Variants in SEMA3E observed in about 807,000 individuals in gnomAD.
The protein encoded by SEMA3E is semaphorin-3E.
In SEMA3E, 49 loss-of-function variants were observed where a neutral mutation model predicts 93.6. That is an observed-to-expected ratio of 0.52 (90% CI 0.42 to 0.66). SEMA3E has a LOEUF of 0.66. Among genes scored for constraint, SEMA3E ranks in the 30% least tolerant of loss-of-function variants. SEMA3E has a pLI of 0.00. For missense variants in SEMA3E, 906 were observed against 964.8 expected (o/e 0.94, Z 0.81); for synonymous variants, 363 against 330.7 (o/e 1.10, Z -1.06).
At chr7:83,369,671 A>G (rs1447535303) in intron 16 of SEMA3E, among the ~76,000 whole-genome samples, 1 of 152,176 alleles carries the variant, frequency 6.6e-6, no homozygotes, top group African/African-American at 2.4e-5. Flanking sequence ...GAAGACCCTC[A>G]AAGCAAAATC....
At chr7:83,402,485 T>A in intron 10 of SEMA3E, 147 bp downstream of exon 10, 1 of 669,712 alleles carries the variant, frequency 1.5e-6, no homozygotes, top group Non-Finnish European at 2.5e-6. Context: ...AAGGAATATT[T>A]TTTTACTACA....
intron 11 of SEMA3E, among the ~76,000 whole-genome samples, chr7:83,398,502 T>C (rs2115609090): frequency 6.6e-6 from 1 of 152,334 alleles, no homozygotes; most frequent in East Asian, 1.9e-4. Context: ...GCTAAAGAAA[T>C]CTGATGACAC....
At chr7:83,525,786 T>G (rs1489008104) in intron 1 of SEMA3E, among the ~76,000 whole-genome samples, 45 of 4,692 alleles carry the variant, frequency 9.6e-3, no homozygotes, top group South Asian at 0.05. Flanking sequence ...TTGTTTGGGT[T>G]TTTTTTTTTT....
intron 4 of SEMA3E, among the ~76,000 whole-genome samples, chr7:83,434,052 T>A (rs2722970): frequency 2.6e-5 from 4 of 151,954 alleles, no homozygotes; most frequent in South Asian, 4.2e-4. Context: ...AGGTTGGTGC[T>A]AAATAACTGT....
At chr7:83,507,285 G>A (rs1446508097) in intron 1 of SEMA3E, among the ~76,000 whole-genome samples, 1 of 152,136 alleles carries the variant, frequency 6.6e-6, no homozygotes, top group Non-Finnish European at 1.5e-5. Flanking sequence ...CCATGATTAA[G>A]AAGAGGGAGC....
At chr7:83,403,716 A>G (rs1788273805) in intron 9 of SEMA3E, among the ~76,000 whole-genome samples, 1 of 151,938 alleles carries the variant, frequency 6.6e-6, no homozygotes, top group Non-Finnish European at 1.5e-5. Flanking sequence ...CCTGTAAAAC[A>G]GCAGTTATGT....
intron 1 of SEMA3E, among the ~76,000 whole-genome samples, chr7:83,578,985 T>C (rs941097225): frequency 6.6e-6 from 1 of 152,048 alleles, no homozygotes; most frequent in Non-Finnish European, 1.5e-5. Flanking sequence ...ATATAGAAAT[T>C]AAATTAATAA....
In SEMA3E at chr7:83,367,062, A is replaced by G. The variant is rs1336142983; in HGVS notation, c.*524T>C. The G allele has an allele frequency of 1.2e-5, 2 of 161,072 alleles. No homozygotes were observed. The highest frequency in any genetic ancestry group is 4.8e-5 in the African/African-American group (2 of 41,498). 10.0% of individuals were successfully genotyped at this position (161,072 alleles called of 1,614,324 possible). ...TTTCATGGGTTACAGCACTCACAAC[A>G]CACCTGCTACTTAACACTCATGGCT... On this transcript the variant is annotated 3_prime_UTR_variant, in exon 17 of 17. Transcript: ENST00000643230.
At chr7:83,494,165 G>T (rs369091894) in intron 1 of SEMA3E, among the ~76,000 whole-genome samples, 10 of 151,708 alleles carry the variant, frequency 6.6e-5, no homozygotes, top group Non-Finnish European at 1.0e-4. Flanking sequence ...CAGTTAAGAT[G>T]AGTGGGTTGT....
At chr7:83,491,896 C>G (rs1193081945) in intron 1 of SEMA3E, among the ~76,000 whole-genome samples, 1 of 151,994 alleles carries the variant, frequency 6.6e-6, no homozygotes, top group East Asian at 1.9e-4. Flanking sequence ...AATCATACTG[C>G]TTTCCTTTGC....
intron 1 of SEMA3E, among the ~76,000 whole-genome samples, chr7:83,624,009 A>C (rs1317786549): frequency 6.6e-6 from 1 of 152,128 alleles, no homozygotes; most frequent in Non-Finnish European, 1.5e-5. Flanking sequence ...TTTGCTGAGA[A>C]TGATAGTTTC....
chr7:83,596,618 T>C (rs1792876865), intron 1 of SEMA3E, among the ~76,000 whole-genome samples: 1 of 152,086 alleles, frequency 6.6e-6, no homozygotes, highest in Non-Finnish European at 1.5e-5. Flanking sequence ...TCCACCCTAC[T>C]TCCTCCACCT....
intron 4 of SEMA3E, among the ~76,000 whole-genome samples, chr7:83,446,142 AGCAGAC>A (rs1789223358): frequency 6.6e-6 from 1 of 152,236 alleles, no homozygotes; most frequent in South Asian, 2.1e-4. Context: ...GTTAGTGTGT[AGCAGAC>A]TTTGGATTTG....
chr7:83,648,906 A>G lies in SEMA3E; in HGVS notation c.-364T>C, dbSNP rs1794117903. On this transcript the variant is annotated 5_prime_UTR_variant, in exon 1 of 17. Transcript: ENST00000643230. Reference sequence around the variant, plus strand: ...AGAAAAAAAAAAAAAAAAGAGAGAAAAAAACAAAACCGAGCACACGCACTC... The same window carrying G: ...AGAAAAAAAAAAAAAAAAGAGAGAAGAAAACAAAACCGAGCACACGCACTC... 5.1e-6 allele frequency: 1 copy of G among 196,042 alleles called. No individual in the cohort carries two copies. The highest frequency in any genetic ancestry group is 1.0e-5 in the Non-Finnish European group (1 of 97,394). 12.1% of individuals were successfully genotyped at this position (196,042 alleles called of 1,614,324 possible).
chr7:83,469,807 A>T (rs1318017771), intron 2 of SEMA3E, among the ~76,000 whole-genome samples: 1 of 151,914 alleles, frequency 6.6e-6, no homozygotes, highest in Non-Finnish European at 1.5e-5. Flanking sequence ...ATTATCTTTT[A>T]TTTTTTTGAG....
chr7:83,467,492 T>G (rs1789793309), intron 3 of SEMA3E, among the ~76,000 whole-genome samples: 1 of 152,234 alleles, frequency 6.6e-6, no homozygotes, highest in African/African-American at 2.4e-5. Context: ...ATGATAAGAT[T>G]ACTATATTGC....
intron 1 of SEMA3E, among the ~76,000 whole-genome samples, chr7:83,588,313 G>A (rs979549342): frequency 3.9e-5 from 6 of 152,034 alleles, no homozygotes; most frequent in Admixed American, 1.3e-4. Flanking sequence ...TCCCAGAGAC[G>A]GAGTTTGCAA....
chr7:83,418,386 T>C lies in SEMA3E; in HGVS notation c.550+4A>G. 6.3e-7 allele frequency: 1 copy of C among 1,599,222 alleles called. No individual in the cohort carries two copies. Among genetic ancestry groups the C allele is most frequent in the African/African-American group, 1.3e-5 (1 of 74,688 alleles). ...CACCTGATGTCTGTGGCAATGACAA[T>C]TACCAATTAAAGTGGAGATGAAGGA... is the stretch of plus-strand genomic sequence containing the variant. On this transcript the variant is annotated splice_donor_region_variant and intron_variant, in intron 5 of 16. Transcript: ENST00000643230.
chr7:83,551,660 T>C (rs1791766783), intron 1 of SEMA3E, among the ~76,000 whole-genome samples: 1 of 152,164 alleles, frequency 6.6e-6, no homozygotes, highest in Non-Finnish European at 1.5e-5. Context: ...AACATTTGAA[T>C]ACATGAACAA....
Sources: allele counts gnomAD v4.1 joint callset (sites outside exome capture counted in the v4.1 genomes callset), GRCh38; gene constraint gnomAD v4.1.1; transcripts MANE v1.5; gene names NCBI Gene and HGNC (gene_info 2026-07-23, HGNC 2026-07-21).